AGBL1: variants seen among roughly 807,000 people sequenced by gnomAD.
AGBL1 encodes the protein AGBL carboxypeptidase 1.
A neutral mutation model predicts 118.9 loss-of-function variants in AGBL1; 130 were observed. The ratio of observed to expected loss-of-function variants is 1.09; its 90% CI spans 0.95 to 1.26. AGBL1 has a LOEUF of 1.26. AGBL1 is among the 50% of genes most tolerant of loss of function. AGBL1 has a pLI of 0.00. For missense variants in AGBL1, 1,584 were observed against 1,298.1 expected (o/e 1.22, Z -3.38); for synonymous variants, 555 against 478.9 (o/e 1.16, Z -2.08).
At chr15:86,866,897 G>T (rs2079639102) in intron 22 of AGBL1, among the ~76,000 whole-genome samples, 1 of 152,228 alleles carries the variant, frequency 6.6e-6, no homozygotes, top group Admixed American at 6.5e-5. Context: ...AGTCAGAAAA[G>T]CTTCCCAGAG....
At chr15:86,185,022 G>T (rs1025277071) in intron 5 of AGBL1, among the ~76,000 whole-genome samples, 11 of 152,108 alleles carry the variant, frequency 7.2e-5, no homozygotes, top group African/African-American at 2.2e-4. Flanking sequence ...ATCTGAAAGG[G>T]CTAATATCCA....
In AGBL1 at chr15:86,276,511, G is replaced by A. The variant is rs776644598; in HGVS notation, c.2076-3128G>A. ...TTATTACTCCTGGAGTCTTGGGTCC[G>A]TGTATTATACAAACTTTAACTGAAC... On this transcript the variant is annotated intron_variant, in intron 15 of 22. Transcript: ENST00000614907. Among the ~76,000 whole-genome samples the A allele has an allele frequency of 7.9e-5, 12 of 152,284 alleles. No homozygotes were observed. The Middle Eastern group carries it at 0.01, about 129-fold the overall frequency.
intron 17 of AGBL1, among the ~76,000 whole-genome samples, chr15:86,314,614 A>G: frequency 6.6e-6 from 1 of 152,152 alleles, no homozygotes; most frequent in Non-Finnish European, 1.5e-5. Flanking sequence ...GGGAGGCATC[A>G]TTATCACCAC....
chr15:86,541,402 C>A (rs915050926), intron 19 of AGBL1, among the ~76,000 whole-genome samples: 3 of 151,990 alleles, frequency 2.0e-5, no homozygotes, highest in African/African-American at 7.3e-5. Flanking sequence ...CCATCCTGGG[C>A]AACAGAGGGA....
intron 5 of AGBL1, among the ~76,000 whole-genome samples, chr15:86,167,334 C>T (rs1003772404): frequency 3.9e-5 from 6 of 151,940 alleles, no homozygotes; most frequent in Admixed American, 3.9e-4. Flanking sequence ...CAACCTCCAC[C>T]TCCTGGGTTC....
intron 21 of AGBL1, among the ~76,000 whole-genome samples, chr15:86,637,884 G>A (rs531058662): frequency 6.6e-6 from 1 of 152,190 alleles, no homozygotes; most frequent in Non-Finnish European, 1.5e-5. Context: ...GCTCTTTATA[G>A]CATCAAAGAG....
chr15:86,527,771 C>A (rs2083286974), intron 19 of AGBL1, among the ~76,000 whole-genome samples: 1 of 152,076 alleles, frequency 6.6e-6, no homozygotes, highest in Admixed American at 6.5e-5. Context: ...CTCCCAGGAC[C>A]AAAAAGAATG....
chr15:86,990,169 A>C (rs1435406982), intron 24 of AGBL1, among the ~76,000 whole-genome samples: 1 of 152,214 alleles, frequency 6.6e-6, no homozygotes, highest in Non-Finnish European at 1.5e-5. Flanking sequence ...ACTAATGGTT[A>C]GAGGGCTCTT....
chr15:86,810,701 T>A (rs567497908), intron 22 of AGBL1, among the ~76,000 whole-genome samples: 87 of 152,242 alleles, frequency 5.7e-4, no homozygotes, highest in African/African-American at 2.0e-3. Flanking sequence ...AGAGGAAAAT[T>A]TTTTTTCCAT....
intron 23 of AGBL1, among the ~76,000 whole-genome samples, chr15:86,973,697 A>G (rs763742676): frequency 6.6e-6 from 1 of 151,776 alleles, no homozygotes; most frequent in Non-Finnish European, 1.5e-5. Context: ...CTTTGTGCTT[A>G]ATAAAAAGTG....
At chr15:86,987,387 A>G (rs559357823) in intron 23 of AGBL1, among the ~76,000 whole-genome samples, 70 of 152,330 alleles carry the variant, frequency 4.6e-4, no homozygotes, top group Admixed American at 7.8e-4. Context: ...AAAAACTTCT[A>G]AAAACCTTTT....
intron 22 of AGBL1, among the ~76,000 whole-genome samples, chr15:86,724,707 T>C (rs1437614784): frequency 2.0e-5 from 3 of 152,264 alleles, no homozygotes; most frequent in African/African-American, 4.8e-5. Context: ...GTGGGAGGTG[T>C]TGGGGTCATG....
chr15:86,728,753 T>G (rs1175846047), intron 22 of AGBL1, among the ~76,000 whole-genome samples: 1 of 152,198 alleles, frequency 6.6e-6, no homozygotes, highest in African/African-American at 2.4e-5. Flanking sequence ...TCTGGAGTTA[T>G]CAAGGGGATA....
chr15:86,191,366 AAAAAGAG>A (rs898251663), intron 5 of AGBL1, among the ~76,000 whole-genome samples: 12 of 150,734 alleles, frequency 8.0e-5, no homozygotes, highest in East Asian at 7.8e-4. Flanking sequence ...AAAAAAAAAA[AAAAAGAG>A]AGAGAGAGAA....
intron 21 of AGBL1, among the ~76,000 whole-genome samples, chr15:86,563,480 T>C (rs2083862019): frequency 6.6e-6 from 1 of 152,090 alleles, no homozygotes; most frequent in South Asian, 2.1e-4. Context: ...TCCTGAGTTC[T>C]TGTTTGATTG....
intron 21 of AGBL1, among the ~76,000 whole-genome samples, chr15:86,641,813 A>C (rs994423775): frequency 5.9e-5 from 9 of 152,154 alleles, no homozygotes; most frequent in African/African-American, 1.9e-4. Flanking sequence ...TTTTTGCAGC[A>C]ATGCTGTGTA....
chr15:86,551,748 A>C (rs1022975295), intron 20 of AGBL1, among the ~76,000 whole-genome samples: 1 of 152,328 alleles, frequency 6.6e-6, no homozygotes, highest in African/African-American at 2.4e-5. Flanking sequence ...GGGCATCACA[A>C]GAAAAGACAG....
chr15:86,756,306 A>G (rs908501956), intron 22 of AGBL1, among the ~76,000 whole-genome samples: 1 of 151,914 alleles, frequency 6.6e-6, no homozygotes, highest in Non-Finnish European at 1.5e-5. Context: ...TTCCAAGTGA[A>G]GTTTGCTATG....
chr15:86,422,325 A>C (rs1464383566), intron 18 of AGBL1, among the ~76,000 whole-genome samples: 1 of 152,194 alleles, frequency 6.6e-6, no homozygotes, highest in Admixed American at 6.5e-5. Flanking sequence ...ATGGAAACTG[A>C]ACAACCTGCT....
Sources: gnomAD v4.1 joint callset for allele counts (sites outside exome capture counted in the v4.1 genomes callset) on GRCh38, gnomAD v4.1.1 for gene constraint, MANE v1.5 for transcripts, NCBI Gene and HGNC (gene_info 2026-07-23, HGNC 2026-07-21) for gene names.